Variants in PADI4 observed in about 807,000 individuals in gnomAD.
PADI4 encodes the protein peptidyl arginine deiminase 4.
Under a neutral mutation model 75.0 loss-of-function variants are expected in PADI4, and 62 were observed. The observed-to-expected ratio is 0.83, with a 90% CI of 0.67 to 1.02. The LOEUF is 1.02. Ranked by LOEUF, PADI4 falls within the 50% of genes least tolerant of loss-of-function variation. The pLI, the probability that PADI4 is intolerant of heterozygous loss-of-function variation, is 0.00. For synonymous variants in PADI4, 361 were observed against 348.1 expected, an observed-to-expected ratio of 1.04 and a Z score of -0.41; for missense variants, 845 against 850.5, an observed-to-expected ratio of 0.99 and a Z score of 0.08.
chr1:17,311,306 C>T (rs1315067378), intron 1 of PADI4, among the ~76,000 whole-genome samples: 1 of 152,034 alleles, frequency 6.6e-6, no homozygotes, highest in Non-Finnish European at 1.5e-5. Context: ...ACTGTCTGAC[C>T]CTAAACCCAC....
intron 10 of PADI4, among the ~76,000 whole-genome samples, chr1:17,351,980 GGGAGGAGAGGCA>G (rs2074643975): frequency 6.2e-5 from 3 of 48,762 alleles, no homozygotes; most frequent in African/African-American, 2.8e-4. Flanking sequence ...GGGAGGTGAT[GGGAGGAGAGGCA>G]GTCAGGGAGG....
rs754388408 is a variant in PADI4, at chr1:17,358,881, A to G, written c.1602A>G (p.Thr534=). ...TAAAGAACATTCTGTCAAACAAGAC[A>G]TTGAGAGAACATAATTCATTTGTGG... The part of the protein sequence containing the change: ...QKIKNILSNK[T]LREHNSFVER... The change falls in exon 14 of 16, where the codon ACA becomes ACG. Residue 534 remains threonine, a synonymous_variant. Transcript: ENST00000375448. 31 of 1,608,776 alleles carry G rather than the reference A, an allele frequency of 1.9e-5. No homozygotes were observed. The South Asian group carries it at 3.2e-4, about 17-fold the overall frequency.
chr1:17,331,044 T>A lies in PADI4; in HGVS notation c.168T>A (p.Pro56=), dbSNP rs758826242. Residue 56 remains proline (P), a synonymous_variant, in exon 2 of 16, where the codon CCT becomes CCA. Coordinates refer to ENST00000375448, the MANE Select transcript of PADI4 (RefSeq NM_012387.3). ...TGGTCGTGGATATTGCCCACGGCCC[T>A]CCAGCCAAGAAGAAATCCACAGGTT... The part of the protein sequence containing the change: ...PGVVVDIAHG[P]PAKKKSTGSS... 6.2e-6 allele frequency: 10 copies of A among 1,610,006 alleles called. No individual in the cohort carries two copies. In the African/African-American group the frequency reaches 1.3e-4, roughly 22 times the overall value.
At chr1:17,325,857 C>T (rs903203406) in intron 1 of PADI4, among the ~76,000 whole-genome samples, 1 of 152,092 alleles carries the variant, frequency 6.6e-6, no homozygotes, top group African/African-American at 2.4e-5. Context: ...TACAGACGTG[C>T]ACTACCCAGT....
Position 17,338,143 on chromosome 1 carries a change from C to G in PADI4, c.514C>G (p.Leu172Val). Reference sequence around the variant, plus strand: ...CATGGACTGCGAGGATGATGAAGTGCTTGACAGCGAAGGTAAAGAGCATTT... The same window carrying G: ...CATGGACTGCGAGGATGATGAAGTGGTTGACAGCGAAGGTAAAGAGCATTT... ...SAMDCEDDEV[L>V]DSEDLQDMSL... Residue 172 changes from leucine (L) to valine (V), a missense_variant, in exon 5 of 16, where the codon CTT becomes GTT. By Grantham distance (32) the Leu-to-Val change is conservative. Transcript: ENST00000375448. 6.2e-7 allele frequency: 1 copy of G among 1,606,564 alleles called. No individual in the cohort carries two copies. The highest frequency in any genetic ancestry group is 8.5e-7 in the Non-Finnish European group (1 of 1,173,372).
chr1:17,315,903 C>A (rs2073924726), intron 1 of PADI4, among the ~76,000 whole-genome samples: 1 of 151,936 alleles, frequency 6.6e-6, no homozygotes, highest in Non-Finnish European at 1.5e-5. Context: ...GACCTCACAG[C>A]CCCCAGGGCT....
intron 1 of PADI4, among the ~76,000 whole-genome samples, chr1:17,330,462 G>A (rs993158844): frequency 1.3e-5 from 2 of 152,168 alleles, no homozygotes; most frequent in Non-Finnish European, 1.5e-5. Context: ...GAGAGAAGCT[G>A]GCAGTGGCTC....
intron 15 of PADI4, among the ~76,000 whole-genome samples, chr1:17,361,511 G>C (rs992643407): frequency 6.6e-6 from 1 of 152,236 alleles, no homozygotes; most frequent in Non-Finnish European, 1.5e-5. Context: ...TAGCACGCAT[G>C]GGCTGTGTCT....
At position 17,338,012 on chromosome 1, in the gene PADI4, C is replaced by T. The variant is rs1398109782; in HGVS notation, c.409-26C>T. 3 of 1,431,264 alleles carry T rather than the reference C, an allele frequency of 2.1e-6. No individual in the cohort carries two copies. The African/African-American group carries it at 4.2e-5, about 20-fold the overall frequency. 88.7% of individuals were successfully genotyped at this position (1,431,264 alleles called of 1,614,324 possible). On this transcript the variant is annotated intron_variant, in intron 4 of 15. Transcript: ENST00000375448. ...GGAGGGCTCTATGCTAGTTTCTGAG[C>T]ATGACTCTTCCCTGCTGGTGTCCAG...
In PADI4 at chr1:17,339,693, C is replaced by T. The variant is rs752143849; in HGVS notation, c.532C>T (p.Gln178Ter). Reference protein sequence around the residue: ...DDEVLDSEDLQDMSLMTLSTK... With the variant: ...DDEVLDSEDL ...CAATGCCCTTCTCATCCCAGACCTG[C>T]AGGACATGTCGCTGATGACCCTGAG... Residue 178 changes from glutamine (Q) to a stop codon, truncating the protein, a stop_gained, in exon 6 of 16, where the codon CAG (glutamine) becomes TAG (stop). Transcript: ENST00000375448. LOFTEE classifies it high-confidence loss of function. 1.9e-6 allele frequency: 3 copies of T among 1,613,826 alleles called. No individual in the cohort carries two copies. Among genetic ancestry groups the T allele is most frequent in the Admixed American group, 1.7e-5 (1 of 59,992 alleles).
intron 1 of PADI4, among the ~76,000 whole-genome samples, chr1:17,315,001 A>T (rs541341884): frequency 7.2e-5 from 11 of 152,286 alleles, no homozygotes; most frequent in African/African-American, 2.6e-4. Context: ...GGGTGATGAC[A>T]ACCCAGCCAT....
intron 8 of PADI4, 152 bp from the exon 9 acceptor site, chr1:17,345,876 T>A: frequency 1.7e-6 from 1 of 593,690 alleles, no homozygotes; most frequent in East Asian, 2.9e-5. Context: ...TTCCATGAGC[T>A]AATGCCTGCT....
chr1:17,349,955 A>T lies in PADI4; in HGVS notation c.1155+1907A>T, dbSNP rs562662644. Among the ~76,000 whole-genome samples the T allele has an allele frequency of 2.4e-5, 3 of 122,520 alleles. 1 individual carries two copies. In the East Asian group the frequency reaches 1.1e-3, roughly 46 times the overall value. 80.4% of individuals were successfully genotyped at this position (122,520 alleles called of 152,430 possible). ...TGCATATGCCGTTCCCTCTGCTTGC[A>T]GTGCTGTTCCCTGTTCACGGGGCTG... On this transcript the variant is annotated intron_variant, in intron 10 of 15. Coordinates refer to ENST00000375448, the MANE Select transcript of PADI4 (RefSeq NM_012387.3).
chr1:17,346,234 C>A lies in PADI4; in HGVS notation c.1047+95C>A. The A allele has an allele frequency of 2.7e-6, 2 of 730,542 alleles. No individual in the cohort carries two copies. Among genetic ancestry groups the A allele is most frequent in the Non-Finnish European group, 4.8e-6 (2 of 419,202 alleles). The allele number at this position is 730,542 out of a possible 1,614,324, so 45.3% of individuals were successfully genotyped here. ...CCTGGGGTTCAGCCTGGTGCCTCAC[C>A]GGCCACTCTTCCTTAGATGGACAGG... is the stretch of plus-strand genomic sequence containing the variant. On this transcript the variant is annotated intron_variant, in intron 9 of 15. Transcript: ENST00000375448. The surrounding 1 kb of genome is among the most constrained non-coding windows in gnomAD (Gnocchi z 4.3).
chr1:17,347,564 C>G (rs1033014841), intron 9 of PADI4, among the ~76,000 whole-genome samples: 14 of 152,134 alleles, frequency 9.2e-5, no homozygotes, highest in African/African-American at 2.9e-4. Flanking sequence ...AGCCCCTCCT[C>G]TGTGTCCCCA....
Position 17,356,159 on chromosome 1 carries a change from T to A in PADI4, c.1455+32T>A. ...TCTTGGGGGCTGCCTCAGGAAGCCA[T>A]GCCTCCTTCCTGGGTAGACCCTCTG... On this transcript the variant is annotated intron_variant, in intron 12 of 15. Transcript: ENST00000375448. This position sits in a 1 kb window ranked among gnomAD's most constrained non-coding sequence, Gnocchi z 4.1. The A allele has an allele frequency of 6.2e-7, 1 of 1,607,966 alleles. No individual in the cohort carries two copies. Among genetic ancestry groups the A allele is most frequent in the Non-Finnish European group, 8.5e-7 (1 of 1,175,198 alleles).
chr1:17,330,933 C>G, intron 1 of PADI4, 36 bp from the exon 2 acceptor site: 1 of 1,453,728 alleles, frequency 6.9e-7, no homozygotes, highest in South Asian at 1.4e-5. Context: ...CCCCTCCTCA[C>G]TGCATCCTCT....
chr1:17,329,545 G>A (rs2074173531), intron 1 of PADI4, among the ~76,000 whole-genome samples: 1 of 152,120 alleles, frequency 6.6e-6, no homozygotes, highest in Non-Finnish European at 1.5e-5. Context: ...TTAAGTGGAA[G>A]TGGATCATCA....
At chr1:17,319,737 C>T (rs2074001752) in intron 1 of PADI4, among the ~76,000 whole-genome samples, 2 of 152,186 alleles carry the variant, frequency 1.3e-5, no homozygotes, top group Admixed American at 6.5e-5. Flanking sequence ...ACGAAAGTGA[C>T]CCACAGAGCA....
Sources: gnomAD v4.1 joint callset for allele counts (sites outside exome capture counted in the v4.1 genomes callset) on GRCh38, gnomAD v4.1.1 for gene constraint, Gnocchi (gnomAD v3.1) non-coding constraint, MANE v1.5 for transcripts, NCBI Gene and HGNC (gene_info 2026-07-23, HGNC 2026-07-21) for gene names.